EHD4: variants seen among roughly 807,000 people sequenced by gnomAD.
The protein encoded by EHD4 is EH domain containing 4, also known as EH domain-containing protein 4.
Under a neutral mutation model 51.0 loss-of-function variants are expected in EHD4, and 37 were observed. The ratio of observed to expected loss-of-function variants is 0.73; its 90% CI spans 0.56 to 0.95. EHD4 has a LOEUF of 0.95. Among genes scored for constraint, EHD4 ranks in the 40% least tolerant of loss-of-function variants. The pLI is 0.00. For missense variants in EHD4, 632 were observed against 733.1 expected, an observed-to-expected ratio of 0.86 and a Z score of 1.59; for synonymous variants, 297 against 317.3, an observed-to-expected ratio of 0.94 and a Z score of 0.68.
At chr15:41,907,860 GTGTGTGTGTGTA>G (rs1326276908) in intron 5 of EHD4, among the ~76,000 whole-genome samples, 3 of 107,162 alleles carry the variant, frequency 2.8e-5, no homozygotes, top group East Asian at 2.7e-4. Flanking sequence ...GTGTGTGTGT[GTGTGTGTGTGTA>G]TATATTTATT....
chr15:41,961,215 G>A (rs750649906), intron 1 of EHD4, among the ~76,000 whole-genome samples: 8 of 152,134 alleles, frequency 5.3e-5, no homozygotes, highest in Non-Finnish European at 1.2e-4. Context: ...GCTGAGATGT[G>A]CTTGAAAGCA....
rs147879007 is a variant in EHD4, at chr15:41,966,621, C to T, written c.236+5638G>A. 2.9e-3 allele frequency among the ~76,000 whole-genome samples: 441 copies of T among 152,222 alleles called. 1 individual carries two copies. Among genetic ancestry groups the T allele is most frequent in the Non-Finnish European group, 4.1e-3 (276 of 67,992 alleles). On this transcript the variant is annotated intron_variant, in intron 1 of 5. Coordinates refer to ENST00000220325, the MANE Select transcript of EHD4 (RefSeq NM_139265.4). ...AATTCGAGGCTGGAAATGGAGGTGG[C>T]CGCCTGCCCACCCCTGAGAAGGAAC...
intron 3 of EHD4, 77 bp from the exon 4 acceptor site, chr15:41,919,699 C>G: frequency 7.3e-7 from 1 of 1,371,064 alleles, no homozygotes; most frequent in Non-Finnish European, 9.5e-7. Flanking sequence ...GGAACAGTCT[C>G]GCTCTCCAGC....
intron 1 of EHD4, among the ~76,000 whole-genome samples, chr15:41,968,715 G>A (rs988204523): frequency 2.0e-5 from 3 of 152,098 alleles, no homozygotes; most frequent in Non-Finnish European, 2.9e-5. Flanking sequence ...CTTGGCTGGC[G>A]CTAGTTGCAG....
chr15:41,910,449 TGG>T (rs2067541918), intron 4 of EHD4, among the ~76,000 whole-genome samples: 2 of 152,004 alleles, frequency 1.3e-5, no homozygotes. Context: ...CCTTGATCAC[TGG>T]GGCTTGGGGT....
intron 1 of EHD4, among the ~76,000 whole-genome samples, chr15:41,956,168 G>A (rs1049139048): frequency 5.9e-5 from 9 of 152,164 alleles, no homozygotes; most frequent in African/African-American, 2.2e-4. Context: ...TGGCCAAGAC[G>A]GCCTACAAAA....
At chr15:41,957,244 C>T (rs1025386888) in intron 1 of EHD4, among the ~76,000 whole-genome samples, 1 of 152,066 alleles carries the variant, frequency 6.6e-6, no homozygotes, top group Non-Finnish European at 1.5e-5. Flanking sequence ...GTGGGATGGT[C>T]GCTTGAGCCC....
intron 1 of EHD4, among the ~76,000 whole-genome samples, chr15:41,963,006 C>T (rs1400299448): frequency 6.6e-6 from 1 of 152,194 alleles, no homozygotes; most frequent in African/African-American, 2.4e-5. Flanking sequence ...CAACCCCGTG[C>T]TCTCTGAAAC....
In EHD4 at chr15:41,897,961, TG is replaced by T. The variant is rs1006130976; in HGVS notation, c.*2683del. On this transcript the variant is annotated 3_prime_UTR_variant, in exon 6 of 6. Transcript: ENST00000220325. ...GGGTCGGCCCTGCCGCCCTGCCGTG[TG>T]GGGTAGGGAGACAGCTGGTGGTGTG... is the stretch of plus-strand genomic sequence containing the variant. 1 of 152,202 alleles carries T rather than the reference TG, an allele frequency of 6.6e-6. No individual in the cohort carries two copies. The highest frequency in any genetic ancestry group is 2.4e-5 in the African/African-American group (1 of 41,442). 9.4% of individuals were successfully genotyped at this position (152,202 alleles called of 1,614,324 possible).
intron 3 of EHD4, among the ~76,000 whole-genome samples, chr15:41,924,099 T>G (rs1040532898): frequency 2.0e-5 from 3 of 152,372 alleles, no homozygotes; most frequent in African/African-American, 7.2e-5. Context: ...CTTTGTTAAC[T>G]TTCAGCAAAT....
chr15:41,920,218 TA>T (rs1190978728), intron 3 of EHD4, among the ~76,000 whole-genome samples: 3 of 152,258 alleles, frequency 2.0e-5, no homozygotes, highest in African/African-American at 7.2e-5. Flanking sequence ...ATATTGTGAA[TA>T]TTTTTTTAAC....
chr15:41,963,396 C>A (rs1430664567), intron 1 of EHD4, among the ~76,000 whole-genome samples: 1 of 150,816 alleles, frequency 6.6e-6, no homozygotes, highest in East Asian at 1.9e-4. Flanking sequence ...GTCAGGTGTT[C>A]GAGACCAGCC....
At chr15:41,945,344 G>A (rs2067804455) in intron 2 of EHD4, among the ~76,000 whole-genome samples, 1 of 152,228 alleles carries the variant, frequency 6.6e-6, no homozygotes, top group Admixed American at 6.5e-5. Flanking sequence ...TAAAGTGACA[G>A]CCTTTCCACA....
At chr15:41,957,649 A>G (rs1262906943) in intron 1 of EHD4, among the ~76,000 whole-genome samples, 1 of 152,036 alleles carries the variant, frequency 6.6e-6, no homozygotes, top group Non-Finnish European at 1.5e-5. Context: ...CTGCTCTTAC[A>G]CCAGGCACAG....
At position 41,926,910 on chromosome 15, in the gene EHD4, C is replaced by T. The variant is rs571701966; in HGVS notation, c.512-7288G>A. The stretch of plus-strand genomic sequence containing the variant: ...CTCATCCCTCTGGGGAACTTTCCTC[C>T]AGGTGGCCTTCCCCCACCCAGTGGA... On this transcript the variant is annotated intron_variant, in intron 3 of 5. Transcript: ENST00000220325. 9.8e-5 allele frequency among the ~76,000 whole-genome samples: 15 copies of T among 152,304 alleles called. No individual in the cohort carries two copies. In the East Asian group the frequency reaches 1.9e-3, roughly 20 times the overall value.
chr15:41,949,073 C>G (rs542538769), intron 2 of EHD4, among the ~76,000 whole-genome samples: 10 of 129,574 alleles, frequency 7.7e-5, no homozygotes, highest in South Asian at 5.5e-4. Context: ...CACACACATA[C>G]ATATACATAA....
intron 5 of EHD4, among the ~76,000 whole-genome samples, chr15:41,902,762 C>CATATATGTATGTGTGTAT (rs1444201742): frequency 1.4e-5 from 2 of 147,448 alleles, no homozygotes; most frequent in Non-Finnish European, 3.0e-5. Flanking sequence ...TATGTGTATA[C>CATATATGTATGTGTGTAT]ATATATGTAT....
chr15:41,917,954 G>A (rs530325201), intron 4 of EHD4, among the ~76,000 whole-genome samples: 1 of 152,276 alleles, frequency 6.6e-6, no homozygotes, highest in African/African-American at 2.4e-5. Flanking sequence ...GAGGGACACA[G>A]GACATCGAGG....
At chr15:41,964,063 T>C (rs1481381503) in intron 1 of EHD4, among the ~76,000 whole-genome samples, 1 of 140,668 alleles carries the variant, frequency 7.1e-6, no homozygotes, top group Non-Finnish European at 1.5e-5. Context: ...GAGAATGGCG[T>C]GAACCTGGGA....
Sources: allele counts gnomAD v4.1 joint callset (sites outside exome capture counted in the v4.1 genomes callset), GRCh38; gene constraint gnomAD v4.1.1; transcripts MANE v1.5; gene names NCBI Gene and HGNC (gene_info 2026-07-23, HGNC 2026-07-21).